The following CAMK2B variants were observed in gnomAD, a reference collection of about 807,000 sequenced individuals.
The protein encoded by CAMK2B is calcium/calmodulin-dependent protein kinase type II subunit beta.
Under a neutral mutation model 93.7 loss-of-function variants are expected in CAMK2B, and 27 were observed. The ratio of observed to expected loss-of-function variants is 0.29; its 90% CI spans 0.21 to 0.40. CAMK2B has a LOEUF of 0.40. Ranked by LOEUF, CAMK2B falls within the 10% of genes least tolerant of loss-of-function variation. The probability of loss-of-function intolerance (pLI) is 1.00; values close to 1 mark genes in which losing one functional copy is unlikely to be tolerated. For synonymous variants in CAMK2B, 374 were observed against 358.8 expected (o/e 1.04, Z -0.48); for missense variants, 568 against 895.8 (o/e 0.63, Z 4.67).
chr7:44,267,624 C>T (rs536907107), intron 2 of CAMK2B, among the ~76,000 whole-genome samples: 1 of 152,252 alleles, frequency 6.6e-6, no homozygotes, highest in African/African-American at 2.4e-5. Context: ...CGTGTGTACA[C>T]ATTTACACAC....
intron 1 of CAMK2B, among the ~76,000 whole-genome samples, chr7:44,316,912 C>T (rs969464764): frequency 2.6e-5 from 4 of 151,886 alleles, no homozygotes; most frequent in Non-Finnish European, 5.9e-5. Context: ...TTGGCTTTAC[C>T]ATCCTTTTTA....
chr7:44,272,535 C>T (rs1310089935), intron 2 of CAMK2B, among the ~76,000 whole-genome samples: 6 of 152,346 alleles, frequency 3.9e-5, no homozygotes, highest in African/African-American at 9.6e-5. Context: ...CTCCACCACC[C>T]GCAAGAAGCA....
intron 1 of CAMK2B, among the ~76,000 whole-genome samples, chr7:44,307,330 G>T (rs144361248): frequency 8.8e-4 from 119 of 134,592 alleles, no homozygotes; most frequent in African/African-American, 3.3e-3. Context: ...GTGAGAAGGG[G>T]GAGGAAGTTG....
At position 44,248,187 on chromosome 7, in the gene CAMK2B, G is replaced by A. The variant is rs774393857; in HGVS notation, c.342-995C>T. Among the ~76,000 whole-genome samples, 3 of 152,156 alleles carry A rather than the reference G, an allele frequency of 2.0e-5. No homozygotes were observed. The highest frequency in any genetic ancestry group is 2.9e-5 in the Non-Finnish European group (2 of 68,014). ...TGTGTGTGCACAGCACTGAGCACACGGAGCTTCCCCTTCAACCCTTCCTCT... is the reference window on the plus strand; with the variant it reads ...TGTGTGTGCACAGCACTGAGCACACAGAGCTTCCCCTTCAACCCTTCCTCT... On this transcript the variant is annotated intron_variant, in intron 5 of 23. Transcript: ENST00000395749. The surrounding 1 kb of genome is among the most constrained non-coding windows in gnomAD (Gnocchi z 4.1).
At chr7:44,296,257 A>G (rs187618119) in intron 1 of CAMK2B, among the ~76,000 whole-genome samples, 17 of 152,294 alleles carry the variant, frequency 1.1e-4, no homozygotes, top group Non-Finnish European at 2.1e-4. Context: ...GTAAGTAAAG[A>G]GATGGAAGTT....
intron 2 of CAMK2B, among the ~76,000 whole-genome samples, chr7:44,276,079 G>A (rs777370709): frequency 6.6e-6 from 1 of 152,020 alleles, no homozygotes; most frequent in East Asian, 1.9e-4. Context: ...AAGCAGAGGA[G>A]GTCTCCCAGC....
intron 2 of CAMK2B, 126 bp downstream of exon 2, chr7:44,284,005 A>G: frequency 1.5e-6 from 1 of 664,634 alleles, no homozygotes; most frequent in Non-Finnish European, 2.6e-6. Flanking sequence ...GCATGGAGCC[A>G]CAGGCAGGGT....
intron 8 of CAMK2B, 148 bp downstream of exon 8, chr7:44,243,102 C>T: frequency 1.5e-6 from 1 of 652,414 alleles, no homozygotes; most frequent in Non-Finnish European, 2.7e-6. Context: ...TGTGGGCAGA[C>T]CCCTGCCAGG....
chr7:44,228,578 G>T (rs1402759270), intron 19 of CAMK2B, among the ~76,000 whole-genome samples: 2 of 152,082 alleles, frequency 1.3e-5, no homozygotes, highest in African/African-American at 4.8e-5. Context: ...GTGGGAGCAG[G>T]AGCCGTGGAG....
chr7:44,257,820 G>C (rs1174683448), intron 4 of CAMK2B, among the ~76,000 whole-genome samples: 1 of 152,276 alleles, frequency 6.6e-6, no homozygotes, highest in Non-Finnish European at 1.5e-5. Context: ...AGGCCTACAT[G>C]TGCCATGGCC....
intron 3 of CAMK2B, among the ~76,000 whole-genome samples, chr7:44,260,441 G>A (rs1258690845): frequency 6.6e-6 from 1 of 152,176 alleles, no homozygotes; most frequent in Non-Finnish European, 1.5e-5. Flanking sequence ...ACCAAGGGCA[G>A]GCCAGGCCCC....
intron 19 of CAMK2B, among the ~76,000 whole-genome samples, chr7:44,228,290 C>G (rs967587203): frequency 6.6e-6 from 1 of 152,064 alleles, no homozygotes; most frequent in Admixed American, 6.5e-5. Flanking sequence ...TCCAGAGACC[C>G]TGGTCGGGGT....
Position 44,271,810 on chromosome 7 carries a change from T to C in CAMK2B, c.161-8746A>G, listed in dbSNP as rs2096977217. On this transcript the variant is annotated intron_variant, in intron 2 of 23. Transcript: ENST00000395749. The surrounding 1 kb of genome is among the most constrained non-coding windows in gnomAD (Gnocchi z 4.2). ...TCAGGGTGCAGGCCGGTTTAGGGGCTGAAAGGAGGCCATGGGCAGGTCCCG... is the reference window on the plus strand; with the variant it reads ...TCAGGGTGCAGGCCGGTTTAGGGGCCGAAAGGAGGCCATGGGCAGGTCCCG... Among the ~76,000 whole-genome samples, 1 of 152,218 alleles carries C rather than the reference T, an allele frequency of 6.6e-6. No individual in the cohort carries two copies.
At chr7:44,243,153 G>C (rs1223252344) in intron 8 of CAMK2B, 97 bp downstream of exon 8, 5 of 914,832 alleles carry the variant, frequency 5.5e-6, no homozygotes, top group Admixed American at 4.2e-5. Flanking sequence ...ACCCAGATGA[G>C]AGCAAGACGT....
At chr7:44,220,533 G>T in intron 22 of CAMK2B, 83 bp downstream of exon 22, 2 of 1,216,436 alleles carry the variant, frequency 1.6e-6, no homozygotes, top group Non-Finnish European at 2.3e-6. Context: ...TCCATAGGCA[G>T]CCACCATGCT....
At chr7:44,272,243 C>T (rs1020254199) in intron 2 of CAMK2B, among the ~76,000 whole-genome samples, 3 of 152,142 alleles carry the variant, frequency 2.0e-5, no homozygotes, top group Non-Finnish European at 4.4e-5. Flanking sequence ...GGAATAACCC[C>T]GGCCCAAGGT....
intron 1 of CAMK2B, among the ~76,000 whole-genome samples, chr7:44,308,873 C>A (rs1450963223): frequency 6.6e-6 from 1 of 152,196 alleles, no homozygotes; most frequent in Non-Finnish European, 1.5e-5. Flanking sequence ...CCATCCCTCC[C>A]CGGGGCCTCT....
In CAMK2B at chr7:44,312,723, G is replaced by C. The variant is rs1793884271; in HGVS notation, c.65+12634C>G. Among the ~76,000 whole-genome samples the C allele has an allele frequency of 1.3e-5, 2 of 152,136 alleles. No individual in the cohort carries two copies. Among genetic ancestry groups the C allele is most frequent in the Admixed American group, 1.3e-4 (2 of 15,274 alleles). ...AAGAGTAACACCTCCCGCAAGACAGGCTGTCCTGGGTTGGATGTCATGTGG... is the reference window on the plus strand; with the variant it reads ...AAGAGTAACACCTCCCGCAAGACAGCCTGTCCTGGGTTGGATGTCATGTGG... On this transcript the variant is annotated intron_variant, in intron 1 of 23. Coordinates refer to ENST00000395749, the MANE Select transcript of CAMK2B (RefSeq NM_001220.5). This position sits in a 1 kb window ranked among gnomAD's most constrained non-coding sequence, Gnocchi z 4.1.
intron 2 of CAMK2B, among the ~76,000 whole-genome samples, chr7:44,270,109 C>T (rs1464127716): frequency 1.3e-5 from 2 of 151,952 alleles, no homozygotes; most frequent in Non-Finnish European, 2.9e-5. Flanking sequence ...TGCCTCACCC[C>T]GAGGGAGGTT....
Sources: gnomAD v4.1 joint callset for allele counts (sites outside exome capture counted in the v4.1 genomes callset) on GRCh38, gnomAD v4.1.1 for gene constraint, Gnocchi (gnomAD v3.1) non-coding constraint, MANE v1.5 for transcripts, NCBI Gene and HGNC (gene_info 2026-07-23, HGNC 2026-07-21) for gene names.